PTPN9: variants seen among roughly 807,000 people sequenced by gnomAD.
The protein encoded by PTPN9 is protein tyrosine phosphatase non-receptor type 9.
In PTPN9, 26 loss-of-function variants were observed where a neutral mutation model predicts 69.8. That is an observed-to-expected ratio of 0.37 (90% CI 0.27 to 0.52). The LOEUF is 0.52. PTPN9 is among the 20% of genes least tolerant of loss of function. The pLI, the probability that PTPN9 is intolerant of heterozygous loss-of-function variation, is 0.91. For synonymous variants in PTPN9, 274 were observed against 272.5 expected, an observed-to-expected ratio of 1.01 and a Z score of -0.05; for missense variants, 549 against 740.3, an observed-to-expected ratio of 0.74 and a Z score of 3.00.
intron 7 of PTPN9, among the ~76,000 whole-genome samples, chr15:75,495,932 G>A (rs1465665765): frequency 6.6e-6 from 1 of 151,276 alleles, no homozygotes; most frequent in Non-Finnish European, 1.5e-5. Context: ...GAGCTCAGGA[G>A]TTTGGGACCA....
chr15:75,487,947 A>C (rs2074687834), intron 8 of PTPN9, among the ~76,000 whole-genome samples: 1 of 152,180 alleles, frequency 6.6e-6, no homozygotes, highest in Non-Finnish European at 1.5e-5. Context: ...GTACTATTTA[A>C]ATTACTTTAC....
chr15:75,498,078 C>T (rs1278206665), intron 7 of PTPN9, among the ~76,000 whole-genome samples: 2 of 151,712 alleles, frequency 1.3e-5, no homozygotes, highest in Admixed American at 6.6e-5. Context: ...CACCTGTAAT[C>T]CCAGCTACTT....
At chr15:75,513,838 T>A (rs2074855165) in intron 5 of PTPN9, among the ~76,000 whole-genome samples, 1 of 150,962 alleles carries the variant, frequency 6.6e-6, no homozygotes. Context: ...GTGGCTCACG[T>A]CTTTAATCCT....
At chr15:75,503,819 C>G (rs1289867638) in intron 7 of PTPN9, among the ~76,000 whole-genome samples, 5 of 121,082 alleles carry the variant, frequency 4.1e-5, no homozygotes, top group East Asian at 2.8e-4. Flanking sequence ...GGGTCAGCCC[C>G]CCGCCCGGCC....
Position 75,467,268 on chromosome 15 carries a change from T to G in PTPN9, c.*1501A>C, listed in dbSNP as rs552047260. 6.6e-6 allele frequency: 1 copy of G among 152,638 alleles called. No homozygotes were observed. Among genetic ancestry groups the G allele is most frequent in the Admixed American group, 6.5e-5 (1 of 15,274 alleles). The allele number at this position is 152,638 out of a possible 1,614,324, so 9.5% of individuals were successfully genotyped here. On this transcript the variant is annotated 3_prime_UTR_variant, in exon 13 of 13. Coordinates refer to ENST00000618819, the MANE Select transcript of PTPN9 (RefSeq NM_002833.4). The stretch of plus-strand genomic sequence containing the variant: ...GAAATGATTGTAAAAAATAATAATA[T>G]ACACATTCAAAGAGCTTATTACAGT...
intron 1 of PTPN9, among the ~76,000 whole-genome samples, chr15:75,565,151 T>A (rs2075121476): frequency 7.2e-6 from 1 of 139,330 alleles, no homozygotes. Flanking sequence ...TAATAATAAT[T>A]TTTTAAAAGC....
chr15:75,551,454 G>A (rs1021841516), intron 1 of PTPN9, among the ~76,000 whole-genome samples: 1 of 151,614 alleles, frequency 6.6e-6, no homozygotes, highest in Admixed American at 6.6e-5. Context: ...CTCCCAGGTG[G>A]GTTCAAGTGA....
intron 1 of PTPN9, 39 bp downstream of exon 1, chr15:75,578,675 C>T (rs1197058445): frequency 3.0e-6 from 4 of 1,347,968 alleles, no homozygotes; most frequent in Non-Finnish European, 3.8e-6. Flanking sequence ...GCCTCGGGGG[C>T]CCGGACACAC....
intron 4 of PTPN9, 82 bp from the exon 5 acceptor site, chr15:75,517,446 C>T: frequency 2.8e-6 from 3 of 1,066,394 alleles, no homozygotes; most frequent in Non-Finnish European, 4.2e-6. Flanking sequence ...CAAAACAAAA[C>T]CTGAGAGTAT....
At chr15:75,485,443 A>C (rs2074669602) in intron 8 of PTPN9, among the ~76,000 whole-genome samples, 1 of 132,192 alleles carries the variant, frequency 7.6e-6, no homozygotes, top group South Asian at 2.2e-4. Flanking sequence ...ATCTCGGCTC[A>C]CTGCAAGCTC....
intron 4 of PTPN9, 21 bp from the exon 5 acceptor site, chr15:75,517,385 A>G: frequency 6.3e-7 from 1 of 1,591,298 alleles, no homozygotes; most frequent in Non-Finnish European, 8.6e-7. Context: ...ACCATTGAAC[A>G]AAAACATTTG....
intron 8 of PTPN9, among the ~76,000 whole-genome samples, chr15:75,486,965 T>C (rs1350726655): frequency 6.6e-6 from 1 of 151,952 alleles, no homozygotes; most frequent in African/African-American, 2.4e-5. Flanking sequence ...TTTGTATTTT[T>C]TAGTAGAGAC....
chr15:75,559,676 T>C (rs978539886), intron 1 of PTPN9, among the ~76,000 whole-genome samples: 12 of 151,232 alleles, frequency 7.9e-5, no homozygotes, highest in East Asian at 5.8e-4. Flanking sequence ...CCAGAGACCT[T>C]TGTTCACTTG....
intron 1 of PTPN9, among the ~76,000 whole-genome samples, chr15:75,555,590 C>T (rs1452296004): frequency 6.6e-6 from 1 of 151,898 alleles, no homozygotes; most frequent in African/African-American, 2.4e-5. Flanking sequence ...CTGCAACCTC[C>T]ACTTCCCAGG....
chr15:75,569,975 C>A (rs1356015669), intron 1 of PTPN9, among the ~76,000 whole-genome samples: 2 of 152,046 alleles, frequency 1.3e-5, no homozygotes, highest in Admixed American at 1.3e-4. Context: ...TGAGCGCCAC[C>A]ACTCCCAGCT....
chr15:75,569,078 TAGGGGGAA>T (rs2075138061), intron 1 of PTPN9, among the ~76,000 whole-genome samples: 1 of 152,042 alleles, frequency 6.6e-6, no homozygotes, highest in African/African-American at 2.4e-5. Flanking sequence ...GAGGTGTGCT[TAGGGGGAA>T]AATGTTAAAA....
rs544179003 is a variant in PTPN9, at chr15:75,543,263, G to C, written c.64-16002C>G. On this transcript the variant is annotated intron_variant, in intron 1 of 12. Coordinates refer to ENST00000618819, the MANE Select transcript of PTPN9 (RefSeq NM_002833.4). ...CACACAGACCAAAGAGCAAAGTCCT[G>C]CAAGAAATCACAGTAGTAGTAACCA... Among the ~76,000 whole-genome samples, 8 of 152,104 alleles carry C rather than the reference G, an allele frequency of 5.3e-5. No individual in the cohort carries two copies. In the East Asian group the frequency reaches 1.5e-3, roughly 29 times the overall value.
chr15:75,573,333 C>T (rs546844920), intron 1 of PTPN9, among the ~76,000 whole-genome samples: 4 of 152,302 alleles, frequency 2.6e-5, no homozygotes, highest in Non-Finnish European at 5.9e-5. Flanking sequence ...GATACTGTTA[C>T]GATTGTTATT....
chr15:75,569,619 C>G (rs1393536223), intron 1 of PTPN9, among the ~76,000 whole-genome samples: 1 of 146,788 alleles, frequency 6.8e-6, no homozygotes, highest in African/African-American at 2.5e-5. Context: ...GCTGGAAAAT[C>G]GCTTGAACCC....
Sources: allele counts gnomAD v4.1 joint callset (sites outside exome capture counted in the v4.1 genomes callset), GRCh38; gene constraint gnomAD v4.1.1; transcripts MANE v1.5; gene names NCBI Gene and HGNC (gene_info 2026-07-23, HGNC 2026-07-21).